The following CMTM4 variants were observed in gnomAD, a reference collection of about 807,000 sequenced individuals.
CMTM4 encodes CKLF-like MARVEL transmembrane domain-containing protein 4.
Under a neutral mutation model 19.0 loss-of-function variants are expected in CMTM4, and 8 were observed. That is an observed-to-expected ratio of 0.42 (90% confidence interval 0.25 to 0.76). CMTM4 has a LOEUF of 0.76. Ranked by LOEUF, CMTM4 falls within the 30% of genes least tolerant of loss-of-function variation. The pLI is 0.27. For missense variants in CMTM4, 228 were observed against 290.2 expected, an observed-to-expected ratio of 0.79 and a Z score of 1.56; for synonymous variants, 106 against 121.1, an observed-to-expected ratio of 0.88 and a Z score of 0.82.
chr16:66,685,117 T>G (rs1217400174), intron 1 of CMTM4, among the ~76,000 whole-genome samples: 1 of 152,226 alleles, frequency 6.6e-6, no homozygotes, highest in Non-Finnish European at 1.5e-5. Flanking sequence ...TACTTCACAA[T>G]TTATAGTAAA....
intron 1 of CMTM4, among the ~76,000 whole-genome samples, chr16:66,655,684 G>A (rs1278216790): frequency 6.6e-6 from 1 of 151,930 alleles, no homozygotes; most frequent in Admixed American, 6.6e-5. Context: ...GGAAAATCCA[G>A]GGCTGGGGTA....
chr16:66,659,592 G>C (rs1478020105), intron 1 of CMTM4, among the ~76,000 whole-genome samples: 1 of 152,180 alleles, frequency 6.6e-6, no homozygotes, highest in East Asian at 1.9e-4. Context: ...GCATTTTGGA[G>C]ATCACTGGGG....
chr16:66,606,088 G>A, the CMTM4 span, among the ~76,000 whole-genome samples: 8 of 152,082 alleles, frequency 5.3e-5, no homozygotes, highest in Non-Finnish European at 8.8e-5. Flanking sequence ...GAGCATAGAG[G>A]CCACCCTGGG....
At chr16:66,637,471 G>C (rs2016016399) in intron 1 of CMTM4, among the ~76,000 whole-genome samples, 1 of 152,162 alleles carries the variant, frequency 6.6e-6, no homozygotes, top group Admixed American at 6.5e-5. Flanking sequence ...ATGAACCTGG[G>C]AGGTAGAGGT....
chr16:66,688,062 C>T (rs992910490), intron 1 of CMTM4, among the ~76,000 whole-genome samples: 13 of 152,224 alleles, frequency 8.5e-5, no homozygotes, highest in Admixed American at 6.5e-4. Context: ...CAGGTGCCAG[C>T]AGATTCAGTA....
chr16:66,691,859 T>C (rs1235547207), intron 1 of CMTM4, among the ~76,000 whole-genome samples: 2 of 152,176 alleles, frequency 1.3e-5, no homozygotes, highest in Non-Finnish European at 2.9e-5. Context: ...CATAATTATG[T>C]TTTTGGTGAT....
downstream of CMTM4, chr16:66,613,314 C>T (rs1191524238): frequency 1.7e-6 from 1 of 591,198 alleles, no homozygotes; most frequent in Non-Finnish European, 3.0e-6. Context: ...CAAAGAAGAG[C>T]TCATAGACTG....
At chr16:66,629,837 T>C (rs968667692) in intron 2 of CMTM4, among the ~76,000 whole-genome samples, 2 of 152,102 alleles carry the variant, frequency 1.3e-5, no homozygotes, top group African/African-American at 4.8e-5. Context: ...AACGATGGGG[T>C]CTGGGGAGCT....
chr16:66,645,559 A>C (rs57530169), intron 1 of CMTM4, among the ~76,000 whole-genome samples: 6,444 of 152,200 alleles, frequency 0.042, 256 homozygotes, highest in East Asian at 0.16. Context: ...CCTGGGCGAC[A>C]GAGACTCCAT....
rs569574863 is a variant in CMTM4 at position 66,628,569 on chromosome 16, CAT to C, written c.364-5069_364-5068del. On this transcript the variant is annotated intron_variant, in intron 2 of 3. Transcript: ENST00000394106. Reference sequence around the variant, plus strand: ...CCTTAAACCTTGATTCCATACAACACATGTTTTTGTGAGCTCAAGGTTGGGGC... The same window carrying C: ...CCTTAAACCTTGATTCCATACAACACGTTTTTGTGAGCTCAAGGTTGGGGC... 5.0e-3 allele frequency among the ~76,000 whole-genome samples: 759 copies of C among 152,334 alleles called. 4 individuals are homozygous for C. The highest frequency in any genetic ancestry group is 0.017 in the African/African-American group (691 of 41,568).
chr16:66,600,142 TTTTG>T, the CMTM4 span, among the ~76,000 whole-genome samples: 5 of 144,640 alleles, frequency 3.5e-5, no homozygotes, highest in African/African-American at 1.3e-4. Flanking sequence ...GTGTGTTTTT[TTTTG>T]TTTTTTTTTT....
At chr16:66,658,900 C>T (rs1306972230) in intron 1 of CMTM4, among the ~76,000 whole-genome samples, 2 of 152,170 alleles carry the variant, frequency 1.3e-5, no homozygotes, top group Non-Finnish European at 2.9e-5. Flanking sequence ...CAAGCACCCA[C>T]CAATCAATCT....
chr16:66,668,232 T>C (rs980214481), intron 1 of CMTM4, among the ~76,000 whole-genome samples: 6 of 151,812 alleles, frequency 4.0e-5, no homozygotes, highest in Middle Eastern at 6.8e-3. Flanking sequence ...TGGTCTCAAA[T>C]TCCTGGACTC....
chr16:66,682,933 G>A (rs1209839613), intron 1 of CMTM4, among the ~76,000 whole-genome samples: 1 of 151,672 alleles, frequency 6.6e-6, no homozygotes, highest in Non-Finnish European at 1.5e-5. Flanking sequence ...CAAAAAGATT[G>A]GCAAAGCCTC....
intron 1 of CMTM4, among the ~76,000 whole-genome samples, chr16:66,681,932 T>C (rs920741485): frequency 1.3e-5 from 2 of 152,200 alleles, no homozygotes; most frequent in Admixed American, 6.5e-5. Context: ...ATTCCAGGCA[T>C]TGGCCATTCA....
intron 1 of CMTM4, among the ~76,000 whole-genome samples, chr16:66,663,593 A>G (rs148713143): frequency 8.7e-6 from 1 of 115,540 alleles, no homozygotes; most frequent in Non-Finnish European, 1.6e-5. Context: ...GTCAGGCTGG[A>G]GTTCAGTGGT....
At chr16:66,657,824 C>T (rs1221815928) in intron 1 of CMTM4, among the ~76,000 whole-genome samples, 1 of 152,218 alleles carries the variant, frequency 6.6e-6, no homozygotes, top group Non-Finnish European at 1.5e-5. Context: ...TCAGCATTTA[C>T]CTTGCCTTTC....
the CMTM4 span, chr16:66,608,526 A>G: frequency 1.9e-6 from 3 of 1,555,444 alleles, no homozygotes; most frequent in Non-Finnish European, 2.6e-6. This position sits in a 1 kb window ranked among gnomAD's most constrained non-coding sequence, Gnocchi z 5.1. Context: ...TGAGGAGTCC[A>G]GAGTCGTGCA....
chr16:66,621,553 C>G lies in CMTM4; in HGVS notation c.*505G>C. 1.0e-6 allele frequency: 1 copy of G among 988,616 alleles called. No individual in the cohort carries two copies. 61.2% of individuals were successfully genotyped at this position (988,616 alleles called of 1,614,324 possible). A position where few individuals can be genotyped will look rare whatever the true frequency, so the allele number is the denominator to read the frequency against. On this transcript the variant is annotated 3_prime_UTR_variant, in exon 4 of 4. Transcript: ENST00000394106. ...TTTCCCCAGCCCTGTGGCCTTTGGGCTGGTGCTGGCTGCCTGGGGGCCCTG... is the reference window on the plus strand; with the variant it reads ...TTTCCCCAGCCCTGTGGCCTTTGGGGTGGTGCTGGCTGCCTGGGGGCCCTG...
Sources: gnomAD v4.1 joint callset for allele counts (sites outside exome capture counted in the v4.1 genomes callset) on GRCh38, gnomAD v4.1.1 for gene constraint, Gnocchi (gnomAD v3.1) non-coding constraint, MANE v1.5 for transcripts, NCBI Gene and HGNC (gene_info 2026-07-23, HGNC 2026-07-21) for gene names.